LRP1B: variants seen among roughly 807,000 people sequenced by gnomAD.
LRP1B encodes the protein low-density lipoprotein receptor-related protein 1B.
In LRP1B, 217 loss-of-function variants were observed where a neutral mutation model predicts 556.6. The ratio of observed to expected loss-of-function variants is 0.39; its 90% CI spans 0.35 to 0.44. LRP1B has a LOEUF of 0.44. LRP1B is among the 20% of genes least tolerant of loss of function. The pLI is 1.00. For synonymous variants in LRP1B, 2,047 were observed against 1,865.8 expected (o/e 1.10, Z -2.50); for missense variants, 5,053 against 5,620.8 (o/e 0.90, Z 3.23).
Position 140,475,357 on chromosome 2 carries a change from C to A in LRP1B, c.9426-20G>T. 1 of 1,519,716 alleles carries A rather than the reference C, an allele frequency of 6.6e-7. No homozygotes were observed. The highest frequency in any genetic ancestry group is 9.0e-7 in the Non-Finnish European group (1 of 1,115,646). 94.1% of individuals were successfully genotyped at this position (1,519,716 alleles called of 1,614,324 possible). ...AAATATCTAGGAAAGAAAATCAATACTGATTTTGTTTACAGATTCTCTGGG... is the reference window on the plus strand; with the variant it reads ...AAATATCTAGGAAAGAAAATCAATAATGATTTTGTTTACAGATTCTCTGGG... On this transcript the variant is annotated intron_variant, in intron 59 of 90. Transcript: ENST00000389484.
chr2:140,779,493 G>A (rs1472270772), intron 32 of LRP1B, among the ~76,000 whole-genome samples: 4 of 151,918 alleles, frequency 2.6e-5, no homozygotes, highest in East Asian at 1.9e-4. Flanking sequence ...TCAGGAGTTC[G>A]AGGCCAGCCT....
At chr2:140,703,141 T>C (rs1384651675) in intron 37 of LRP1B, among the ~76,000 whole-genome samples, 1 of 152,184 alleles carries the variant, frequency 6.6e-6, no homozygotes, top group Non-Finnish European at 1.5e-5. Flanking sequence ...ACTTTCTATT[T>C]TTTCTACTTA....
At chr2:141,202,449 G>T (rs1682073495) in intron 6 of LRP1B, among the ~76,000 whole-genome samples, 1 of 152,174 alleles carries the variant, frequency 6.6e-6, no homozygotes, top group East Asian at 1.9e-4. Flanking sequence ...GGATTGCTGG[G>T]TCGAATGGTA....
intron 3 of LRP1B, among the ~76,000 whole-genome samples, chr2:141,266,032 T>C (rs1684874203): frequency 6.6e-6 from 1 of 152,020 alleles, no homozygotes; most frequent in African/African-American, 2.4e-5. Context: ...AGAGTAGGAA[T>C]ATGCATGTCT....
intron 5 of LRP1B, among the ~76,000 whole-genome samples, chr2:141,240,058 G>A (rs987639736): frequency 7.2e-5 from 11 of 152,016 alleles, no homozygotes; most frequent in Non-Finnish European, 1.6e-4. Context: ...ATTTGGTGGG[G>A]ATTATCTTTT....
At chr2:140,336,646 C>T (rs980168948) in intron 77 of LRP1B, among the ~76,000 whole-genome samples, 2 of 151,906 alleles carry the variant, frequency 1.3e-5, no homozygotes, top group Non-Finnish European at 2.9e-5. Flanking sequence ...AATACTATAT[C>T]TTAACATCTT....
At chr2:141,126,572 C>A (rs1701218061) in intron 7 of LRP1B, among the ~76,000 whole-genome samples, 2 of 152,086 alleles carry the variant, frequency 1.3e-5, no homozygotes, top group South Asian at 2.1e-4. Context: ...CTTACTCAGT[C>A]CCCAAAACTT....
chr2:140,419,490 A>G (rs914737082), intron 66 of LRP1B, among the ~76,000 whole-genome samples: 2 of 152,232 alleles, frequency 1.3e-5, no homozygotes, highest in Non-Finnish European at 2.9e-5. Context: ...CCACCCAAGA[A>G]CATCATAAGA....
chr2:141,270,763 T>C (rs1032619866), intron 3 of LRP1B, among the ~76,000 whole-genome samples: 1 of 151,950 alleles, frequency 6.6e-6, no homozygotes, highest in African/African-American at 2.4e-5. Flanking sequence ...AGTAGAATGG[T>C]GGGTGCCAGA....
chr2:141,879,585 T>A (rs1463270302), intron 1 of LRP1B, among the ~76,000 whole-genome samples: 1 of 152,064 alleles, frequency 6.6e-6, no homozygotes, highest in South Asian at 2.1e-4. Context: ...TCAATAGATA[T>A]AATCACTAAT....
At position 141,966,453 on chromosome 2, in the gene LRP1B, C is replaced by T. The variant is rs529935248; in HGVS notation, c.83-156052G>A. Among the ~76,000 whole-genome samples, 10 of 152,012 alleles carry T rather than the reference C, an allele frequency of 6.6e-5. No homozygotes were observed. In the East Asian group the frequency reaches 2.0e-3, roughly 30 times the overall value. On this transcript the variant is annotated intron_variant, in intron 1 of 90. Transcript: ENST00000389484. ...TCAGAAAAGGCTAGTGTGCCCAGAA[C>T]AGAGAGCTAGGAGTTCCACTTGCTG...
chr2:141,708,390 C>T lies in LRP1B; in HGVS notation c.205+101889G>A, dbSNP rs191453389. On this transcript the variant is annotated intron_variant, in intron 2 of 90. Transcript: ENST00000389484. ...TAACAGGGGTCAAATGAGCAGCAGA[C>T]AGAGTTGGTTTTTCCCTTTAGGAAT... 6.6e-5 allele frequency among the ~76,000 whole-genome samples: 10 copies of T among 152,136 alleles called. No individual in the cohort carries two copies. The East Asian group carries it at 1.9e-3, about 30-fold the overall frequency.
chr2:140,410,343 G>A (rs985220523), intron 66 of LRP1B, among the ~76,000 whole-genome samples: 6 of 151,676 alleles, frequency 4.0e-5, no homozygotes, highest in Admixed American at 2.6e-4. Context: ...AGTCAACAAA[G>A]TATTGATTTT....
intron 3 of LRP1B, among the ~76,000 whole-genome samples, chr2:141,415,503 C>T (rs982562510): frequency 5.3e-5 from 8 of 152,220 alleles, no homozygotes; most frequent in African/African-American, 1.7e-4. Context: ...ATATTTTTTA[C>T]AGATCTATAA....
At chr2:141,005,071 T>C (rs1697530634) in intron 15 of LRP1B, among the ~76,000 whole-genome samples, 1 of 152,060 alleles carries the variant, frequency 6.6e-6, no homozygotes, top group African/African-American at 2.4e-5. Flanking sequence ...AGTGAAGTTC[T>C]CTTATGCTTC....
chr2:140,474,426 G>A (rs904379920), intron 60 of LRP1B, among the ~76,000 whole-genome samples: 4 of 151,764 alleles, frequency 2.6e-5, no homozygotes, highest in African/African-American at 4.8e-5. Context: ...TTGGGACCTC[G>A]CTTTGAAACT....
intron 46 of LRP1B, among the ~76,000 whole-genome samples, chr2:140,535,436 T>G (rs946595072): frequency 6.6e-6 from 1 of 152,150 alleles, no homozygotes; most frequent in African/African-American, 2.4e-5. Flanking sequence ...AGACTCTCAT[T>G]TTAAACGATG....
intron 37 of LRP1B, among the ~76,000 whole-genome samples, chr2:140,706,531 C>T (rs1357238641): frequency 6.6e-6 from 1 of 152,052 alleles, no homozygotes; most frequent in Non-Finnish European, 1.5e-5. Flanking sequence ...AAGTGGCTTT[C>T]AGAATTATAG....
rs947376352 is a variant in LRP1B, at chr2:140,895,770, C to A, written c.3766+7150G>T. On this transcript the variant is annotated intron_variant, in intron 23 of 90. Transcript: ENST00000389484. ...AAAGGGGATGGAGCAGGAAGGTGGTCTTCCCCTGGAGTTCTGCTGTCCCAG... is the reference window on the plus strand; with the variant it reads ...AAAGGGGATGGAGCAGGAAGGTGGTATTCCCCTGGAGTTCTGCTGTCCCAG... Among the ~76,000 whole-genome samples the A allele has an allele frequency of 2.0e-5, 3 of 152,112 alleles. No individual in the cohort carries two copies. In the South Asian group the frequency reaches 6.2e-4, roughly 32 times the overall value.
Sources: allele counts gnomAD v4.1 joint callset (sites outside exome capture counted in the v4.1 genomes callset), GRCh38; gene constraint gnomAD v4.1.1; transcripts MANE v1.5; gene names NCBI Gene and HGNC (gene_info 2026-07-23, HGNC 2026-07-21).